TECR: variants seen among roughly 807,000 people sequenced by gnomAD.
The protein encoded by TECR is trans-2,3-enoyl-CoA reductase.
TECR carries 19 observed loss-of-function variants against 50.6 expected under a neutral mutation model. The observed-to-expected ratio is 0.38, with a 90% CI of 0.26 to 0.55. The LOEUF is 0.55. TECR is among the 20% of genes least tolerant of loss of function. The pLI is 0.79. For synonymous variants in TECR, 168 were observed against 163.5 expected (o/e 1.03, Z -0.21); for missense variants, 313 against 408.3 (o/e 0.77, Z 2.01).
In TECR at chr19:14,564,338, C is replaced by T. The variant is rs552870842; in HGVS notation, c.489+51C>T. On this transcript the variant is annotated intron_variant, in intron 7 of 12. Coordinates refer to ENST00000215567, the MANE Select transcript of TECR (RefSeq NM_138501.6). ...CTAAGCCCCGCCTTTCTGCCCCACC[C>T]CGCCCCGCCCCCACCGAGCCCCACC... 1.7e-3 allele frequency: 2,334 copies of T among 1,407,286 alleles called. 5 individuals carry two copies. The highest frequency in any genetic ancestry group is 2.0e-3 in the Non-Finnish European group (2,068 of 1,037,928). The allele number at this position is 1,407,286 out of a possible 1,614,324, so 87.2% of individuals were successfully genotyped here.
chr19:14,534,757 A>T (rs1220080168), intron 1 of TECR, among the ~76,000 whole-genome samples: 1 of 151,988 alleles, frequency 6.6e-6, no homozygotes, highest in Non-Finnish European at 1.5e-5. Flanking sequence ...TCTTATTAGC[A>T]CCTGATCAGA....
intron 1 of TECR, among the ~76,000 whole-genome samples, chr19:14,558,874 GC>G (rs2073822922): frequency 6.6e-6 from 1 of 152,180 alleles, no homozygotes. Context: ...CCCCGTCTGT[GC>G]TCAGGATCCC....
Position 14,563,296 on chromosome 19 carries a change from T to A in TECR, c.118+39T>A. 6.4e-7 allele frequency: 1 copy of A among 1,561,782 alleles called. No individual in the cohort carries two copies. The highest frequency in any genetic ancestry group is 8.8e-7 in the Non-Finnish European group (1 of 1,132,320). ...CCGGCCACACTGCCCCTGCAACCCC[T>A]TTGACCAGGGACCTTAGGGTGGGAG... On this transcript the variant is annotated intron_variant, in intron 3 of 12. Coordinates refer to ENST00000215567, the MANE Select transcript of TECR (RefSeq NM_138501.6). This position sits in a 1 kb window ranked among gnomAD's most constrained non-coding sequence, Gnocchi z 5.3.
intron 1 of TECR, among the ~76,000 whole-genome samples, chr19:14,553,473 G>T (rs1218480228): frequency 1.3e-5 from 2 of 152,150 alleles, no homozygotes; most frequent in Non-Finnish European, 2.9e-5. Context: ...GCCCCCGGGT[G>T]CCACTGAGAA....
chr19:14,544,959 A>G (rs1327578196), intron 1 of TECR, among the ~76,000 whole-genome samples: 1 of 152,060 alleles, frequency 6.6e-6, no homozygotes, highest in Non-Finnish European at 1.5e-5. Context: ...CCATTGACAC[A>G]TCAGAATCTA....
chr19:14,562,423 C>T (rs573916491), intron 1 of TECR, 102 bp from the exon 2 acceptor site: 33 of 1,312,402 alleles, frequency 2.5e-5, no homozygotes, highest in Non-Finnish European at 2.7e-5. Context: ...CTTGTTGGCC[C>T]GGGAGGCCAC....
intron 1 of TECR, chr19:14,545,749 G>C (rs2073285754): frequency 1.3e-5 from 2 of 156,596 alleles, no homozygotes; most frequent in Admixed American, 1.3e-4. Flanking sequence ...ACACGGTTGA[G>C]CCCTTTGTAG....
In TECR at chr19:14,557,131, T is replaced by G. The variant is rs145561011; in HGVS notation, c.16-5394T>G. Among the ~76,000 whole-genome samples the G allele has an allele frequency of 8.7e-4, 130 of 149,970 alleles. 1 individual carries two copies. In the South Asian group the frequency reaches 0.026, roughly 30 times the overall value. ...GGTCTAATCTTATTTATTTATTTAT[T>G]TATTTATTTATTTATTTATTTATTT... On this transcript the variant is annotated intron_variant, in intron 1 of 12. Transcript: ENST00000215567.
At chr19:14,528,628 G>A (rs1026901550), upstream of TECR, among the ~76,000 whole-genome samples, 1 of 152,072 alleles carries the variant, frequency 6.6e-6, no homozygotes, top group African/African-American at 2.4e-5. Context: ...TAGTTCCCCT[G>A]TCCATAGGGC....
chr19:14,556,671 G>C (rs1389495782), intron 1 of TECR, among the ~76,000 whole-genome samples: 3 of 152,174 alleles, frequency 2.0e-5, no homozygotes, highest in Non-Finnish European at 4.4e-5. Context: ...AATGAATGCA[G>C]GCTCCCTGAG....
At chr19:14,540,226 ATTTATTT>A (rs759692735) in intron 1 of TECR, among the ~76,000 whole-genome samples, 5 of 151,242 alleles carry the variant, frequency 3.3e-5, no homozygotes, top group East Asian at 1.9e-4. Context: ...CGCCTGGCTA[ATTTATTT>A]TTTATTTTTT....
intron 1 of TECR, chr19:14,532,544 T>A (rs1340732228): frequency 1.3e-5 from 2 of 149,224 alleles, no homozygotes; most frequent in East Asian, 3.9e-4. Context: ...AAGGGAAGCT[T>A]CAAACTCACT....
At chr19:14,540,474 C>A (rs537407639) in intron 1 of TECR, among the ~76,000 whole-genome samples, 2 of 151,910 alleles carry the variant, frequency 1.3e-5, no homozygotes, top group African/African-American at 4.8e-5. Context: ...CTCTCTGCAA[C>A]CTCTGCGTCT....
At chr19:14,537,632 A>C (rs1268614845) in intron 1 of TECR, among the ~76,000 whole-genome samples, 2 of 152,190 alleles carry the variant, frequency 1.3e-5, no homozygotes, top group East Asian at 3.9e-4. Flanking sequence ...CTTCTTGCTG[A>C]TACTGATAGT....
At chr19:14,564,887 C>T (rs2074027801) in intron 8 of TECR, 29 bp downstream of exon 8, 1 of 1,614,022 alleles carries the variant, frequency 6.2e-7, no homozygotes, top group African/African-American at 1.3e-5. Flanking sequence ...TCCTTCCCTC[C>T]CCCACGGTCC....
Position 14,529,614 on chromosome 19 carries a change from T to A in TECR, c.-83T>A, listed in dbSNP as rs771342700. The A allele has an allele frequency of 2.5e-6, 4 of 1,604,846 alleles. No homozygotes were observed. On this transcript the variant is annotated 5_prime_UTR_variant, in exon 1 of 13. Coordinates refer to ENST00000215567, the MANE Select transcript of TECR (RefSeq NM_138501.6). ...GCCGCGTTTAGTCTATCGCTGCGGT[T>A]GCGAGCGCTGTAGGGAGCCTGTGCT...
chr19:14,529,303 T>C, upstream of TECR: 3 of 392,442 alleles, frequency 7.6e-6, no homozygotes, highest in South Asian at 7.1e-5. Context: ...GGCCTAACCG[T>C]CGCTTACCTT....
rs759536460 is a variant in TECR, at chr19:14,564,095, G to A, written c.381G>A (p.Val127=). The A allele has an allele frequency of 1.2e-6, 2 of 1,611,748 alleles. No individual in the cohort carries two copies. The highest frequency in any genetic ancestry group is 1.1e-5 in the South Asian group (1 of 91,082). ...TTACGTCCAGTCGGCATACAGTGGT[G>A]CAGTAAGTGGGGCAGGTGGGAGGAG... ...YDFTSSRHTV[V]HLACICHSFH... is the part of the protein sequence containing the mutation. Residue 127 remains valine, a splice_region_variant and synonymous_variant, in exon 6 of 13, where the codon GTG becomes GTA. Coordinates refer to ENST00000215567, the MANE Select transcript of TECR (RefSeq NM_138501.6).
chr19:14,558,050 C>G (rs551198926), intron 1 of TECR, among the ~76,000 whole-genome samples: 3 of 152,172 alleles, frequency 2.0e-5, no homozygotes. Flanking sequence ...CCACCACGCC[C>G]GGCCTATATT....
Sources: gnomAD v4.1 joint callset for allele counts (sites outside exome capture counted in the v4.1 genomes callset) on GRCh38, gnomAD v4.1.1 for gene constraint, Gnocchi (gnomAD v3.1) non-coding constraint, MANE v1.5 for transcripts, NCBI Gene and HGNC (gene_info 2026-07-23, HGNC 2026-07-21) for gene names.